Variants in ANTXR1 observed in about 807,000 individuals in gnomAD.
ANTXR1 encodes ANTXR cell adhesion molecule 1, also known as anthrax toxin receptor 1.
ANTXR1 carries 19 observed loss-of-function variants against 78.1 expected under a neutral mutation model. That is an observed-to-expected ratio of 0.24 (90% confidence interval 0.17 to 0.36). The LOEUF (loss-of-function observed/expected upper bound fraction) is 0.36. Ranked by LOEUF, ANTXR1 falls within the 10% of genes least tolerant of loss-of-function variation. The pLI is 1.00. For synonymous variants in ANTXR1, 273 were observed against 260.5 expected, an observed-to-expected ratio of 1.05 and a Z score of -0.46; for missense variants, 518 against 718.6, an observed-to-expected ratio of 0.72 and a Z score of 3.19.
At chr2:69,181,573 CA>C (rs1178175911) in intron 14 of ANTXR1, among the ~76,000 whole-genome samples, 1 of 152,154 alleles carries the variant, frequency 6.6e-6, no homozygotes, top group African/African-American at 2.4e-5. Flanking sequence ...ACAAACTTAC[CA>C]GGTAGCACTG....
At chr2:69,244,553 CG>C (rs1179539805) in intron 17 of ANTXR1, among the ~76,000 whole-genome samples, 2 of 152,118 alleles carry the variant, frequency 1.3e-5, no homozygotes, top group African/African-American at 4.8e-5. Context: ...CATTCATTAC[CG>C]GGAACAAGTG....
chr2:69,082,639 G>A (rs10168669), intron 8 of ANTXR1, among the ~76,000 whole-genome samples: 17,968 of 152,052 alleles, frequency 0.12, 1,203 homozygotes, highest in East Asian at 0.21. Flanking sequence ...AGATAACACC[G>A]AGATGGGTCA....
chr2:69,161,893 G>C (rs74502609), intron 13 of ANTXR1, among the ~76,000 whole-genome samples: 1,675 of 152,220 alleles, frequency 0.011, 20 homozygotes, highest in Non-Finnish European at 0.016. Flanking sequence ...GGCTTTAAGA[G>C]ATCAACCCAG....
intron 8 of ANTXR1, among the ~76,000 whole-genome samples, chr2:69,083,834 C>T (rs988634077): frequency 1.1e-4 from 17 of 152,092 alleles, no homozygotes; most frequent in Admixed American, 7.9e-4. Context: ...GGCTTGGATA[C>T]GAAACATAAA....
intron 2 of ANTXR1, among the ~76,000 whole-genome samples, chr2:69,043,431 C>T (rs1669669272): frequency 6.6e-6 from 1 of 152,164 alleles, no homozygotes; most frequent in South Asian, 2.1e-4. Context: ...TTATTATAAT[C>T]ATTATGATTG....
At chr2:69,097,364 C>T (rs1169427411) in intron 9 of ANTXR1, among the ~76,000 whole-genome samples, 1 of 152,276 alleles carries the variant, frequency 6.6e-6, no homozygotes, top group Non-Finnish European at 1.5e-5. Flanking sequence ...TGTATTCCTA[C>T]TGTGTTTCCC....
At chr2:69,108,144 T>G (rs531222963) in intron 10 of ANTXR1, among the ~76,000 whole-genome samples, 2 of 152,350 alleles carry the variant, frequency 1.3e-5, no homozygotes, top group East Asian at 3.9e-4. Flanking sequence ...TTCATTTAAT[T>G]TTTATTAACT....
At position 69,039,240 on chromosome 2, in the gene ANTXR1, G is replaced by T. The variant is rs116787416; in HGVS notation, c.153-804G>T. The stretch of plus-strand genomic sequence containing the variant: ...CTAATCGGAGCCATTGCAACAAACT[G>T]AATATGAGCACTATGGAAAATATAA... On this transcript the variant is annotated intron_variant, in intron 1 of 17. Transcript: ENST00000303714. Among the ~76,000 whole-genome samples, 1,230 of 152,240 alleles carry T rather than the reference G, an allele frequency of 8.1e-3. 16 individuals carry two copies. The highest frequency in any genetic ancestry group is 0.028 in the African/African-American group (1,157 of 41,552).
intron 9 of ANTXR1, among the ~76,000 whole-genome samples, chr2:69,099,362 G>A (rs910900908): frequency 6.6e-6 from 1 of 152,148 alleles, no homozygotes; most frequent in Non-Finnish European, 1.5e-5. Flanking sequence ...GAACATTTAG[G>A]TTATTTCCAT....
At chr2:69,067,035 G>A (rs1670419936) in intron 3 of ANTXR1, among the ~76,000 whole-genome samples, 1 of 152,118 alleles carries the variant, frequency 6.6e-6, no homozygotes, top group Non-Finnish European at 1.5e-5. Flanking sequence ...AATAAGAATA[G>A]ACCCTTATTA....
chr2:69,077,086 A>G (rs890916630), intron 7 of ANTXR1: 2 of 385,082 alleles, frequency 5.2e-6, no homozygotes, highest in South Asian at 3.1e-5. Context: ...AAATGAGCCC[A>G]TGGCCTGTGC....
At chr2:69,124,285 A>G (rs1409571533) in intron 11 of ANTXR1, among the ~76,000 whole-genome samples, 4 of 152,232 alleles carry the variant, frequency 2.6e-5, no homozygotes, top group Non-Finnish European at 5.9e-5. Flanking sequence ...TGCCCATTCA[A>G]TGCCACTCAC....
intron 10 of ANTXR1, among the ~76,000 whole-genome samples, chr2:69,104,667 A>G (rs1054164364): frequency 2.2e-4 from 33 of 152,336 alleles, no homozygotes; most frequent in African/African-American, 7.9e-4. Flanking sequence ...TACCTTCCAA[A>G]GAAGACTTCC....
intron 9 of ANTXR1, among the ~76,000 whole-genome samples, chr2:69,094,342 C>T (rs1044558455): frequency 1.3e-5 from 2 of 152,116 alleles, no homozygotes; most frequent in Non-Finnish European, 2.9e-5. Context: ...AAAAGCATTC[C>T]TGTATGTTTC....
At chr2:69,026,027 A>G (rs1489096052) in intron 1 of ANTXR1, among the ~76,000 whole-genome samples, 1 of 152,230 alleles carries the variant, frequency 6.6e-6, no homozygotes, top group East Asian at 1.9e-4. Context: ...TAAGTGCTCT[A>G]ATTTTAAGTC....
chr2:69,200,288 A>G (rs1674743135), intron 17 of ANTXR1, among the ~76,000 whole-genome samples: 1 of 152,196 alleles, frequency 6.6e-6, no homozygotes, highest in African/African-American at 2.4e-5. Flanking sequence ...CACACACGTA[A>G]ATGTACATAA....
chr2:69,189,367 G>A (rs1274397923), intron 16 of ANTXR1, among the ~76,000 whole-genome samples: 1 of 152,134 alleles, frequency 6.6e-6, no homozygotes, highest in African/African-American at 2.4e-5. Flanking sequence ...TTATCCATCG[G>A]TAAATAGACA....
intron 8 of ANTXR1, among the ~76,000 whole-genome samples, chr2:69,080,643 G>A (rs1670873227): frequency 6.6e-6 from 1 of 152,196 alleles, no homozygotes; most frequent in Non-Finnish European, 1.5e-5. Flanking sequence ...TCCAGTGGGA[G>A]AGACACATTA....
intron 10 of ANTXR1, among the ~76,000 whole-genome samples, chr2:69,121,873 T>C (rs1672358814): frequency 6.6e-6 from 1 of 152,178 alleles, no homozygotes; most frequent in Admixed American, 6.5e-5. Flanking sequence ...CCCCAGAAAC[T>C]GGGATACAAT....
Sources: gnomAD v4.1 joint callset for allele counts (sites outside exome capture counted in the v4.1 genomes callset) on GRCh38, gnomAD v4.1.1 for gene constraint, MANE v1.5 for transcripts, NCBI Gene and HGNC (gene_info 2026-07-23, HGNC 2026-07-21) for gene names.